EXOC4: variants seen among roughly 807,000 people sequenced by gnomAD.
EXOC4 encodes the protein exocyst complex component 4.
EXOC4 carries 71 observed loss-of-function variants against 107.2 expected under a neutral mutation model. The observed-to-expected ratio is 0.66, with a 90% confidence interval of 0.55 to 0.81. EXOC4 has a LOEUF of 0.81. EXOC4 is among the 30% of genes least tolerant of loss of function. The pLI is 0.00. For synonymous variants in EXOC4, 456 were observed against 441.2 expected, an observed-to-expected ratio of 1.03 and a Z score of -0.42; for missense variants, 1,108 against 1,189.6, an observed-to-expected ratio of 0.93 and a Z score of 1.01.
At chr7:133,468,961 A>G (rs978329867) in intron 7 of EXOC4, among the ~76,000 whole-genome samples, 1 of 152,208 alleles carries the variant, frequency 6.6e-6, no homozygotes, top group Non-Finnish European at 1.5e-5. Flanking sequence ...CATTTAAAAT[A>G]TTGCCCAAGA....
At chr7:133,398,181 G>A (rs780568078) in intron 7 of EXOC4, among the ~76,000 whole-genome samples, 7 of 152,132 alleles carry the variant, frequency 4.6e-5, no homozygotes, top group Non-Finnish European at 8.8e-5. Flanking sequence ...CTAGAATAAG[G>A]ATTTTCTGCT....
At chr7:133,741,317 CT>C (rs1351581763) in intron 10 of EXOC4, among the ~76,000 whole-genome samples, 1 of 152,192 alleles carries the variant, frequency 6.6e-6, no homozygotes, top group African/African-American at 2.4e-5. Flanking sequence ...ATGCCAGGGC[CT>C]CTTTCTACCC....
chr7:133,570,998 T>G (rs1014096977), intron 9 of EXOC4, among the ~76,000 whole-genome samples: 1 of 152,248 alleles, frequency 6.6e-6, no homozygotes, highest in Non-Finnish European at 1.5e-5. Flanking sequence ...TTACTCCTGT[T>G]GAGCAACCTG....
chr7:133,793,848 C>A (rs2551020), intron 10 of EXOC4, among the ~76,000 whole-genome samples: 146,467 of 151,906 alleles, frequency 0.96, 70,738 homozygotes, highest in East Asian at 1. Context: ...GTCACACACA[C>A]AAAAAATAAA....
At chr7:133,576,168 C>T (rs906075850) in intron 9 of EXOC4, among the ~76,000 whole-genome samples, 12 of 152,144 alleles carry the variant, frequency 7.9e-5, no homozygotes, top group African/African-American at 2.7e-4. Flanking sequence ...TACCCCCAAC[C>T]CCCGTTATGT....
At chr7:133,812,956 T>C (rs1285847935) in intron 10 of EXOC4, among the ~76,000 whole-genome samples, 2 of 152,136 alleles carry the variant, frequency 1.3e-5, no homozygotes, top group Non-Finnish European at 2.9e-5. Flanking sequence ...ACTAAGGGAC[T>C]GGCGAAACAG....
chr7:133,544,378 A>G (rs1420027540), intron 9 of EXOC4, among the ~76,000 whole-genome samples: 1 of 152,150 alleles, frequency 6.6e-6, no homozygotes, highest in Non-Finnish European at 1.5e-5. Context: ...TCCTGCTGGT[A>G]AAGTGACTTT....
Position 133,884,321 on chromosome 7 carries a change from C to T in EXOC4, c.1735-11278C>T, listed in dbSNP as rs368450124. Among the ~76,000 whole-genome samples, 83 of 152,264 alleles carry T rather than the reference C, an allele frequency of 5.5e-4. 1 individual carries two copies. In the South Asian group the frequency reaches 0.014, roughly 25 times the overall value. Reference sequence around the variant, plus strand: ...CATCATGCAGTTTATAGAGCATTTCCACTTACCACCCTCGCACCAACGACC... The same window carrying T: ...CATCATGCAGTTTATAGAGCATTTCTACTTACCACCCTCGCACCAACGACC... On this transcript the variant is annotated intron_variant, in intron 11 of 17. Transcript: ENST00000253861.
chr7:133,387,349 G>A (rs1149553), intron 7 of EXOC4, among the ~76,000 whole-genome samples: 151,760 of 152,334 alleles, frequency 1, 75,600 homozygotes, highest in Middle Eastern at 1. Context: ...AATATGGGAA[G>A]GTGCTTTAAT....
intron 17 of EXOC4, among the ~76,000 whole-genome samples, chr7:134,034,778 T>C (rs980451682): frequency 6.6e-6 from 1 of 152,222 alleles, no homozygotes; most frequent in Non-Finnish European, 1.5e-5. Flanking sequence ...AAGTGACTGA[T>C]AGAGAAGGAA....
At chr7:133,710,549 A>G (rs1197137866) in intron 10 of EXOC4, among the ~76,000 whole-genome samples, 2 of 149,896 alleles carry the variant, frequency 1.3e-5, no homozygotes, top group Non-Finnish European at 3.0e-5. Context: ...AGTCCCAGCT[A>G]CTTGGGAGGC....
intron 10 of EXOC4, among the ~76,000 whole-genome samples, chr7:133,773,062 G>A (rs115855662): frequency 0.011 from 1,599 of 152,082 alleles, 23 homozygotes; most frequent in African/African-American, 0.037. Context: ...TTTATCCTTA[G>A]GTGTCCCTAG....
Position 133,356,431 on chromosome 7 carries a change from C to G in EXOC4, c.865C>G (p.Leu289Val). Residue 289 changes from leucine (L) to valine (V), a missense_variant, in exon 6 of 18, where the codon CTG (leucine) becomes GTG (valine). Physicochemically the swap from Leu to Val is conservative, Grantham distance 32. Transcript: ENST00000253861. ...TATCCTCATTAAGGGCTTGGCGAAA[C>G]TGAAGAAGATCCCAGAAACAGTTAA... ...MGILIKGLAK[L>V]KKIPETVKAI... 6.2e-7 allele frequency: 1 copy of G among 1,614,084 alleles called. No individual in the cohort carries two copies. Among genetic ancestry groups the G allele is most frequent in the Non-Finnish European group, 8.5e-7 (1 of 1,180,014 alleles).
At chr7:133,415,117 T>C (rs562285160) in intron 7 of EXOC4, among the ~76,000 whole-genome samples, 3 of 152,284 alleles carry the variant, frequency 2.0e-5, no homozygotes, top group Admixed American at 6.5e-5. Flanking sequence ...CAGTACTTCT[T>C]TTTTTATTGC....
chr7:134,059,093 C>A (rs1352742899), intron 17 of EXOC4, among the ~76,000 whole-genome samples: 1 of 152,146 alleles, frequency 6.6e-6, no homozygotes, highest in Admixed American at 6.6e-5. Context: ...CAAAGCTTTC[C>A]TCAGAGACCT....
chr7:133,995,427 C>G (rs1175786328), intron 14 of EXOC4, among the ~76,000 whole-genome samples: 2 of 152,160 alleles, frequency 1.3e-5, no homozygotes, highest in Non-Finnish European at 2.9e-5. Context: ...AATAGAGGAA[C>G]TGAAGGGCTG....
At position 133,819,699 on chromosome 7, in the gene EXOC4, G is replaced by A. The variant is rs138928594; in HGVS notation, c.1734+2155G>A. On this transcript the variant is annotated intron_variant, in intron 11 of 17. Transcript: ENST00000253861. Reference sequence around the variant, plus strand: ...AGTATTTATTTCTCTGAAGTGTCACGCTATATGCCATACAGAGCAACTTGA... The same window carrying A: ...AGTATTTATTTCTCTGAAGTGTCACACTATATGCCATACAGAGCAACTTGA... Among the ~76,000 whole-genome samples, 23 of 152,122 alleles carry A rather than the reference G, an allele frequency of 1.5e-4. No individual in the cohort carries two copies. In the East Asian group the frequency reaches 4.1e-3, roughly 27 times the overall value.
intron 10 of EXOC4, among the ~76,000 whole-genome samples, chr7:133,686,991 TTTTGTGTGTGTG>T (rs1202573354): frequency 0.099 from 14,317 of 144,642 alleles, 721 homozygotes; most frequent in African/African-American, 0.13. Flanking sequence ...GGATAAAGAA[TTTTGTGTGTGTG>T]TGTGTGTGTG....
chr7:133,899,995 C>G (rs1283862068), intron 12 of EXOC4, among the ~76,000 whole-genome samples: 1 of 152,034 alleles, frequency 6.6e-6, no homozygotes, highest in African/African-American at 2.4e-5. Flanking sequence ...AAGCGATTCT[C>G]CCACCGCCTC....
Sources: gnomAD v4.1 joint callset for allele counts (sites outside exome capture counted in the v4.1 genomes callset) on GRCh38, gnomAD v4.1.1 for gene constraint, MANE v1.5 for transcripts, NCBI Gene and HGNC (gene_info 2026-07-23, HGNC 2026-07-21) for gene names.